The following NRDE2 variants were observed in gnomAD, a reference collection of about 807,000 sequenced individuals.
The protein encoded by NRDE2 is nuclear exosome regulator NRDE2.
In NRDE2, 76 loss-of-function variants were observed where a neutral mutation model predicts 124.2. The observed-to-expected ratio is 0.61, with a 90% CI of 0.51 to 0.74. The LOEUF is 0.74. Among genes scored for constraint, NRDE2 ranks in the 30% least tolerant of loss-of-function variants. NRDE2 has a pLI of 0.00. For synonymous variants in NRDE2, 489 were observed against 528.1 expected (o/e 0.93, Z 1.01); for missense variants, 1,314 against 1,417.3 (o/e 0.93, Z 1.17).
rs1002957640 is a variant in NRDE2 at position 90,304,472 on chromosome 14, T to C, written c.558-90A>G. 8 of 962,928 alleles carry C rather than the reference T, an allele frequency of 8.3e-6. No homozygotes were observed. The African/African-American group carries it at 1.1e-4, about 14-fold the overall frequency. 59.6% of individuals were successfully genotyped at this position (962,928 alleles called of 1,614,324 possible). A position where few individuals can be genotyped will look rare whatever the true frequency, so the allele number is the denominator to read the frequency against. ...GCGCATTAGACCTAAACTCTCGTTATGCAGGTTCACTGCATATAACCAAAT... is the reference window on the plus strand; with the variant it reads ...GCGCATTAGACCTAAACTCTCGTTACGCAGGTTCACTGCATATAACCAAAT... On this transcript the variant is annotated intron_variant, in intron 4 of 13. Coordinates refer to ENST00000354366, the MANE Select transcript of NRDE2 (RefSeq NM_017970.4).
At chr14:90,314,487 A>G (rs1884966657) in intron 3 of NRDE2, among the ~76,000 whole-genome samples, 1 of 152,248 alleles carries the variant, frequency 6.6e-6, no homozygotes, top group South Asian at 2.1e-4. Context: ...AACTATCAAG[A>G]GGCTGTAAAG....
At chr14:90,318,454 A>ATG (rs1278062588) in intron 1 of NRDE2, among the ~76,000 whole-genome samples, 14 of 152,220 alleles carry the variant, frequency 9.2e-5, no homozygotes, top group Non-Finnish European at 2.9e-5. Flanking sequence ...ATGCTTCCAA[A>ATG]GCATTAGGTT....
intron 2 of NRDE2, 35 bp downstream of exon 2, chr14:90,317,970 C>T: frequency 6.4e-7 from 1 of 1,563,700 alleles, no homozygotes; most frequent in Non-Finnish European, 8.8e-7. Context: ...AGTAAACTGA[C>T]AAAAACGAAA....
chr14:90,290,639 TAACAA>T lies in NRDE2; in HGVS notation c.1843-37_1843-33del, dbSNP rs775728695. Reference sequence around the variant, plus strand: ...CAAAGACAAAATAAAGCGACCCATGTAACAAAACAAAACCCGCACATTTGTCACAA... The same window carrying T: ...CAAAGACAAAATAAAGCGACCCATGTAACAAAACCCGCACATTTGTCACAA... On this transcript the variant is annotated intron_variant, in intron 9 of 13. Transcript: ENST00000354366. 1.9e-5 allele frequency: 30 copies of T among 1,569,724 alleles called. No individual in the cohort carries two copies. The Admixed American group carries it at 3.2e-4, about 17-fold the overall frequency.
At chr14:90,329,401 T>C (rs982122225) in intron 1 of NRDE2, among the ~76,000 whole-genome samples, 5 of 152,150 alleles carry the variant, frequency 3.3e-5, no homozygotes, top group Non-Finnish European at 7.3e-5. Context: ...TGAAGATCCA[T>C]CCAAAACTTA....
At chr14:90,316,250 A>C (rs1473060098) in intron 3 of NRDE2, among the ~76,000 whole-genome samples, 2 of 152,062 alleles carry the variant, frequency 1.3e-5, no homozygotes, top group African/African-American at 4.8e-5. Flanking sequence ...GAGTGTGGAG[A>C]CCCACGGCCC....
At chr14:90,280,127 GT>G (rs1267829724) in intron 12 of NRDE2, 5 of 150,318 alleles carry the variant, frequency 3.3e-5, no homozygotes, top group Non-Finnish European at 5.9e-5. Context: ...GGTTTTTTTG[GT>G]TTTTTTTTTC....
intron 1 of NRDE2, among the ~76,000 whole-genome samples, chr14:90,321,555 A>G (rs1885242012): frequency 1.3e-5 from 2 of 151,326 alleles, no homozygotes; most frequent in African/African-American, 4.8e-5. Context: ...CTATTAAAAA[A>G]AAAAAAAAAA....
At chr14:90,289,655 T>G (rs1892214795) in intron 10 of NRDE2, among the ~76,000 whole-genome samples, 1 of 152,240 alleles carries the variant, frequency 6.6e-6, no homozygotes, top group Non-Finnish European at 1.5e-5. Flanking sequence ...TGGTGCGATC[T>G]CAGTTCACGG....
At chr14:90,290,169 A>G in intron 10 of NRDE2, 52 bp downstream of exon 10, 1 of 1,576,070 alleles carries the variant, frequency 6.3e-7, no homozygotes, top group East Asian at 2.2e-5. Flanking sequence ...GTTTATAAAC[A>G]CTGACATGAA....
At chr14:90,299,975 C>T (rs1196490026) in intron 7 of NRDE2, among the ~76,000 whole-genome samples, 6 of 152,132 alleles carry the variant, frequency 3.9e-5, no homozygotes, top group Admixed American at 1.3e-4. Context: ...AAATAAGAAA[C>T]TTTATTCCAA....
intron 8 of NRDE2, among the ~76,000 whole-genome samples, chr14:90,295,016 C>A (rs1248240311): frequency 6.6e-6 from 1 of 152,100 alleles, no homozygotes; most frequent in Non-Finnish European, 1.5e-5. Flanking sequence ...ACAGTCTGAT[C>A]TTGATTGTGG....
chr14:90,288,977 T>G lies in NRDE2; in HGVS notation c.2398A>C (p.Arg800=), dbSNP rs773066400. 7.4e-6 allele frequency: 12 copies of G among 1,613,068 alleles called. No individual in the cohort carries two copies. In the African/African-American group the frequency reaches 1.5e-4, roughly 20 times the overall value. ...CCAAGTGCTGTGTCAAAAACTTTTC[T>G]GGCATCCTCCGTGTTGCCAAGCAAC... The part of the protein sequence containing the change: ...EWLLGNTEDA[R]KVFDTALGMA... Residue 800 remains arginine, a synonymous_variant, in exon 11 of 14, where the codon AGA becomes CGA. Coordinates refer to ENST00000354366, the MANE Select transcript of NRDE2 (RefSeq NM_017970.4).
At position 90,268,206 on chromosome 14, in the gene NRDE2, C is replaced by A. The variant is rs780611468; in HGVS notation, c.*10130G>T. ...CTTAAGGTGTCTTTTTTTTTTTTAT[C>A]TTTTTCATCCAAAATAGGTAAAACC... On this transcript the variant is annotated 3_prime_UTR_variant, in exon 14 of 14. Transcript: ENST00000354366. The A allele has an allele frequency of 2.8e-6, 4 of 1,407,042 alleles. No homozygotes were observed. Among genetic ancestry groups the A allele is most frequent in the South Asian group, 1.6e-5 (1 of 62,730 alleles). 87.2% of individuals were successfully genotyped at this position (1,407,042 alleles called of 1,614,324 possible).
intron 8 of NRDE2, 39 bp downstream of exon 8, chr14:90,298,221 A>C: frequency 6.3e-7 from 1 of 1,597,550 alleles, no homozygotes; most frequent in South Asian, 1.1e-5. Flanking sequence ...AAATTCCAGA[A>C]GAAACAGAAG....
At chr14:90,327,310 G>T (rs1045574996) in intron 1 of NRDE2, among the ~76,000 whole-genome samples, 2 of 152,344 alleles carry the variant, frequency 1.3e-5, no homozygotes, top group East Asian at 3.9e-4. Flanking sequence ...AGCACTCTGG[G>T]AGGCCGTGGC....
rs1423436794 is a variant in NRDE2 at position 90,276,995 on chromosome 14, G to T, written c.*1341C>A. On this transcript the variant is annotated 3_prime_UTR_variant, in exon 14 of 14. Coordinates refer to ENST00000354366, the MANE Select transcript of NRDE2 (RefSeq NM_017970.4). ...GTTCAAGCCAGTTAGCTCTCAGGGA[G>T]GGGGAGCAAGTCCACCTCGGAGTGG... 1 of 152,232 alleles carries T rather than the reference G, an allele frequency of 6.6e-6. No individual in the cohort carries two copies. Among genetic ancestry groups the T allele is most frequent in the Admixed American group, 6.5e-5 (1 of 15,280 alleles). The allele number at this position is 152,232 out of a possible 1,614,324, so 9.4% of individuals were successfully genotyped here.
At chr14:90,313,977 T>C (rs530500105) in intron 3 of NRDE2, among the ~76,000 whole-genome samples, 74 of 152,278 alleles carry the variant, frequency 4.9e-4, no homozygotes, top group African/African-American at 1.7e-3. Context: ...TGCAAACTGA[T>C]TGATGCATTT....
At position 90,288,456 on chromosome 14, in the gene NRDE2, C is replaced by T. The variant is rs374091042; in HGVS notation, c.2919G>A (p.Met973Ile). 39 of 1,614,046 alleles carry T rather than the reference C, an allele frequency of 2.4e-5. No individual in the cohort carries two copies. The highest frequency in any genetic ancestry group is 3.3e-5 in the Non-Finnish European group (39 of 1,180,044). Residue 973 changes from methionine to isoleucine, a missense_variant, in exon 11 of 14, where the codon ATG (methionine) becomes ATA (isoleucine). Physicochemically the swap from Met to Ile is conservative, Grantham distance 10. Coordinates refer to ENST00000354366, the MANE Select transcript of NRDE2 (RefSeq NM_017970.4). ...LMHTSLLRFH[M>I]KVSVYPLAPL... The stretch of plus-strand genomic sequence containing the variant: ...GGGCCAGCGGGTAAACACTCACTTT[C>T]ATGTGGAATCTCAGCAGGCTCGTGT...
Sources: allele counts gnomAD v4.1 joint callset (sites outside exome capture counted in the v4.1 genomes callset), GRCh38; gene constraint gnomAD v4.1.1; transcripts MANE v1.5; gene names NCBI Gene and HGNC (gene_info 2026-07-23, HGNC 2026-07-21).